IQANK1: variants seen among roughly 807,000 people sequenced by gnomAD.
IQANK1 encodes IQ motif and ankyrin repeat containing 1, also known as IQ motif and ankyrin repeat domain-containing protein 1.
IQANK1 carries 30 observed loss-of-function variants against 22.6 expected under a neutral mutation model. The observed-to-expected ratio is 1.33, with a 90% CI of 0.99 to 1.80. IQANK1 has a LOEUF of 1.80. IQANK1 is among the 40% of genes most tolerant of loss of function. IQANK1 has a pLI of 0.00. For synonymous variants in IQANK1, 122 were observed against 99.6 expected (o/e 1.23, Z -1.34); for missense variants, 275 against 235.2 (o/e 1.17, Z -1.11).
At position 143,739,881 on chromosome 8, in the gene IQANK1, G is replaced by A. The variant is rs1471652212; in HGVS notation, c.108G>A (p.Pro36=). 2 of 695,910 alleles carry A rather than the reference G, an allele frequency of 2.9e-6. No homozygotes were observed. Among genetic ancestry groups the A allele is most frequent in the East Asian group, 2.7e-5 (1 of 36,536 alleles). 43.1% of individuals were successfully genotyped at this position (695,910 alleles called of 1,614,324 possible). Residue 36 remains proline, a synonymous_variant, in exon 3 of 14, where the codon CCG becomes CCA. Coordinates refer to ENST00000527139, the MANE Select transcript of IQANK1 (RefSeq NM_001381874.1). ...AAAGKPGENR[P]PQRKAGWQAR... The stretch of plus-strand genomic sequence containing the variant: ...TAGGGAAGCCCGGGGAGAACCGCCC[G>A]CCGCAGAGGAAAGCGGGCTGGCAGG...
intron 3 of IQANK1, among the ~76,000 whole-genome samples, chr8:143,751,769 C>A (rs1417420290): frequency 6.7e-6 from 1 of 150,082 alleles, no homozygotes; most frequent in African/African-American, 2.4e-5. Context: ...CTTTGAGTTA[C>A]CATCTAGTGT....
At chr8:143,765,764 T>G (rs1301100103) in intron 3 of IQANK1, among the ~76,000 whole-genome samples, 2 of 152,248 alleles carry the variant, frequency 1.3e-5, no homozygotes, top group Non-Finnish European at 2.9e-5. Context: ...ATTTTAAAAG[T>G]CATCCTTTGT....
At chr8:143,739,045 G>A (rs1554626082) in intron 2 of IQANK1, among the ~76,000 whole-genome samples, 2 of 152,212 alleles carry the variant, frequency 1.3e-5, no homozygotes, top group East Asian at 1.9e-4. Flanking sequence ...CTGATGTGGG[G>A]CCCCGAGGAA....
At chr8:143,740,017 C>A in intron 3 of IQANK1, 69 bp downstream of exon 3, 1 of 638,528 alleles carries the variant, frequency 1.6e-6, no homozygotes. Context: ...GTGCCCTGGC[C>A]CGGGACACGC....
intron 3 of IQANK1, among the ~76,000 whole-genome samples, chr8:143,740,416 C>T (rs1197357311): frequency 2.6e-5 from 4 of 152,220 alleles, no homozygotes; most frequent in Admixed American, 2.0e-4. Context: ...GTCGGCCGCT[C>T]AAACCTTCCT....
intron 7 of IQANK1, among the ~76,000 whole-genome samples, chr8:143,788,368 C>T (rs1325574126): frequency 6.6e-6 from 1 of 152,218 alleles, no homozygotes; most frequent in African/African-American, 2.4e-5. Flanking sequence ...ACTCACCCGG[C>T]GCAGCTGGGC....
chr8:143,767,657 T>G (rs1358760098), intron 3 of IQANK1, among the ~76,000 whole-genome samples: 1 of 151,976 alleles, frequency 6.6e-6, no homozygotes, highest in Non-Finnish European at 1.5e-5. Context: ...TATTTGCTGT[T>G]TCTGCATAGT....
chr8:143,750,961 TGTGTG>T (rs1819176692), intron 3 of IQANK1, among the ~76,000 whole-genome samples: 1 of 151,768 alleles, frequency 6.6e-6, no homozygotes, highest in Non-Finnish European at 1.5e-5. Context: ...TGTGTGTGTG[TGTGTG>T]TTTTTTTGTA....
chr8:143,755,876 C>T (rs532667760), intron 3 of IQANK1, among the ~76,000 whole-genome samples: 8 of 152,290 alleles, frequency 5.3e-5, no homozygotes, highest in African/African-American at 1.7e-4. Context: ...CTGGAAGGTT[C>T]AGCATTCAGT....
intron 7 of IQANK1, among the ~76,000 whole-genome samples, chr8:143,775,860 G>A (rs75487139): frequency 6.6e-6 from 1 of 151,070 alleles, no homozygotes; most frequent in Admixed American, 6.6e-5. Context: ...CAATGTCTGA[G>A]ATGAAAAGTA....
At chr8:143,754,577 C>T (rs984509706) in intron 3 of IQANK1, among the ~76,000 whole-genome samples, 4 of 152,156 alleles carry the variant, frequency 2.6e-5, no homozygotes, top group African/African-American at 9.7e-5. Context: ...TCATCAAAGC[C>T]TGCAAGGGAG....
chr8:143,736,200 C>T (rs1328845478), intron 2 of IQANK1, among the ~76,000 whole-genome samples: 5 of 149,692 alleles, frequency 3.3e-5, no homozygotes, highest in South Asian at 2.1e-4. Context: ...AGTGCAATGG[C>T]GCAATCCCTC....
At position 143,771,598 on chromosome 8, in the gene IQANK1, A is replaced by G. The variant is rs1314011361; in HGVS notation, c.286A>G (p.Met96Val). 7.5e-6 allele frequency: 3 copies of G among 398,190 alleles called. No individual in the cohort carries two copies. The highest frequency in any genetic ancestry group is 1.3e-5 in the Non-Finnish European group (3 of 226,076). 24.7% of individuals were successfully genotyped at this position (398,190 alleles called of 1,614,324 possible). ...REERREYLEQ[M>V]ETPQKEAYLA... is the part of the protein sequence containing the mutation. Reference sequence around the variant, plus strand: ...GGAGCGCCGGGAGTACCTGGAGCAGATGGAGACGCCGCAGAAGGAGGTGAG... The same window carrying G: ...GGAGCGCCGGGAGTACCTGGAGCAGGTGGAGACGCCGCAGAAGGAGGTGAG... The change falls in exon 4 of 14, where the codon ATG becomes GTG. Residue 96 changes from methionine to valine, a missense_variant. Met to Val is a conservative substitution (Grantham distance 21). Transcript: ENST00000527139. The surrounding 1 kb of genome is among the most constrained non-coding windows in gnomAD (Gnocchi z 6.0).
chr8:143,736,296 C>A (rs1554625668), intron 2 of IQANK1, among the ~76,000 whole-genome samples: 1 of 152,132 alleles, frequency 6.6e-6, no homozygotes, highest in African/African-American at 2.4e-5. Context: ...TGCGCCACCA[C>A]GCCCTGCTGA....
At chr8:143,759,328 G>C (rs2129867274) in intron 3 of IQANK1, 1 of 159,618 alleles carries the variant, frequency 6.3e-6, no homozygotes, top group East Asian at 1.9e-4. Flanking sequence ...TGATTCCACG[G>C]GTGACTGCTA....
intron 9 of IQANK1, 86 bp from the exon 10 acceptor site, chr8:143,789,350 A>C: frequency 1.6e-6 from 1 of 616,012 alleles, no homozygotes; most frequent in Non-Finnish European, 2.4e-6. Flanking sequence ...CCAGGAGGGG[A>C]GGTGTCCTCA....
chr8:143,754,526 A>G (rs73373131), intron 3 of IQANK1, among the ~76,000 whole-genome samples: 7,471 of 152,302 alleles, frequency 0.049, 633 homozygotes, highest in African/African-American at 0.17. Context: ...GTTTTGCTAC[A>G]TGAGCCTCTG....
chr8:143,772,471 A>G lies in IQANK1; in HGVS notation c.778A>G (p.Thr260Ala), dbSNP rs1333852376. 4 of 398,648 alleles carry G rather than the reference A, an allele frequency of 1.0e-5. No homozygotes were observed. The highest frequency in any genetic ancestry group is 1.8e-5 in the Non-Finnish European group (4 of 226,080). The allele number at this position is 398,648 out of a possible 1,614,324, so 24.7% of individuals were successfully genotyped here. ...CCGGGTGTACGCAGAGGACGGGAGC[A>G]CCCCTGAGCGGGTGTGGACCCCAGA... Reference protein sequence around the residue: ...DPRVYAEDGSTPERVASLDTV... With the variant: ...DPRVYAEDGSAPERVASLDTV... The change falls in exon 7 of 14, where the codon ACC becomes GCC. Residue 260 changes from threonine (T) to alanine (A), a missense_variant. Thr to Ala is a moderately conservative substitution (Grantham distance 58). Coordinates refer to ENST00000527139, the MANE Select transcript of IQANK1 (RefSeq NM_001381874.1).
At chr8:143,767,477 T>A (rs183561445) in intron 3 of IQANK1, among the ~76,000 whole-genome samples, 321 of 152,272 alleles carry the variant, frequency 2.1e-3, no homozygotes, top group African/African-American at 7.3e-3. Context: ...AGTAACAGAA[T>A]TAGTATGGGG....
Sources: gnomAD v4.1 joint callset for allele counts (sites outside exome capture counted in the v4.1 genomes callset) on GRCh38, gnomAD v4.1.1 for gene constraint, Gnocchi (gnomAD v3.1) non-coding constraint, MANE v1.5 for transcripts, NCBI Gene and HGNC (gene_info 2026-07-23, HGNC 2026-07-21) for gene names.